ACLY: variants seen among roughly 807,000 people sequenced by gnomAD.
ACLY encodes ATP-citrate synthase.
A neutral mutation model predicts 133.0 loss-of-function variants in ACLY; 41 were observed. The observed-to-expected ratio is 0.31, with a 90% confidence interval of 0.24 to 0.40. ACLY has a LOEUF of 0.40. Ranked by LOEUF, ACLY falls within the 10% of genes least tolerant of loss-of-function variation. The probability of loss-of-function intolerance (pLI) is 1.00; values close to 1 mark genes in which losing one functional copy is unlikely to be tolerated. For synonymous variants in ACLY, 495 were observed against 549.3 expected (o/e 0.90, Z 1.38); for missense variants, 1,046 against 1,453.8 (o/e 0.72, Z 4.56).
chr17:41,887,439 A>G lies in ACLY; in HGVS notation c.1875+160T>C, dbSNP rs112572362. Among the ~76,000 whole-genome samples the G allele has an allele frequency of 3.1e-3, 474 of 152,152 alleles. 5 individuals are homozygous for G. Among genetic ancestry groups the G allele is most frequent in the African/African-American group, 0.01 (436 of 41,538 alleles). ...GGCATTGCAGTGAGGCTGTGTCTCA[A>G]AAAAAAAGCTAAAAATGGACAGACT... On this transcript the variant is annotated intron_variant, in intron 17 of 28. Coordinates refer to ENST00000352035, the MANE Select transcript of ACLY (RefSeq NM_001096.3).
chr17:41,928,136 T>A (rs1555636171), intron 1 of ACLY, among the ~76,000 whole-genome samples: 1 of 152,170 alleles, frequency 6.6e-6, no homozygotes. Context: ...CAACTCTCTC[T>A]CAAAAAATAA....
chr17:41,910,151 C>G, intron 4 of ACLY, 71 bp downstream of exon 4: 1 of 1,465,966 alleles, frequency 6.8e-7, no homozygotes, highest in Non-Finnish European at 9.4e-7. Flanking sequence ...GACTTCTTTC[C>G]TCAGGTTACG....
chr17:41,882,997 A>AGGG, intron 20 of ACLY, 125 bp downstream of exon 20: 1 of 787,964 alleles, frequency 1.3e-6, no homozygotes, highest in Admixed American at 2.6e-5. Flanking sequence ...GTAGTAACCA[A>AGGG]GCAAGTAACA....
At chr17:41,882,723 A>T (rs2048951667) in intron 20 of ACLY, among the ~76,000 whole-genome samples, 1 of 152,110 alleles carries the variant, frequency 6.6e-6, no homozygotes, top group African/African-American at 2.4e-5. Context: ...CACACAAAAC[A>T]TCTCACCAAG....
At chr17:41,919,020 C>G, upstream of ACLY, 1 of 1,285,620 alleles carries the variant, frequency 7.8e-7, no homozygotes, top group Non-Finnish European at 1.0e-6. Flanking sequence ...CCCATCGGCT[C>G]GCGGCGAGAA....
intron 8 of ACLY, among the ~76,000 whole-genome samples, chr17:41,906,213 T>C (rs2049713472): frequency 6.6e-6 from 1 of 152,218 alleles, no homozygotes; most frequent in African/African-American, 2.4e-5. Flanking sequence ...GGTGACCTGG[T>C]CAGGGAGAGG....
intron 22 of ACLY, among the ~76,000 whole-genome samples, chr17:41,874,825 G>A (rs1214390375): frequency 1.3e-5 from 2 of 149,444 alleles, no homozygotes; most frequent in South Asian, 2.1e-4. Context: ...CGCCTGCCTC[G>A]GCCTCCCAAA....
chr17:41,889,289 C>T (rs1156453978), intron 16 of ACLY, among the ~76,000 whole-genome samples: 3 of 151,738 alleles, frequency 2.0e-5, no homozygotes, highest in Non-Finnish European at 2.9e-5. Context: ...GAGGCCGAGG[C>T]GGTTGGATCA....
chr17:41,890,874 C>T (rs2049191399), intron 16 of ACLY, among the ~76,000 whole-genome samples: 1 of 140,354 alleles, frequency 7.1e-6, no homozygotes, highest in South Asian at 2.3e-4. Context: ...GGTGTGGTGG[C>T]ATGTGCTTGT....
chr17:41,893,292 A>T, intron 14 of ACLY, 118 bp from the exon 15 acceptor site: 1 of 1,180,950 alleles, frequency 8.5e-7, no homozygotes, highest in East Asian at 2.7e-5. Flanking sequence ...ATGCCTCATC[A>T]CAACCGTAAA....
At chr17:41,878,015 G>C (rs1567887657) in intron 22 of ACLY, 88 bp downstream of exon 22, 1 of 840,946 alleles carries the variant, frequency 1.2e-6, no homozygotes, top group Non-Finnish European at 1.7e-6. Context: ...TGGTTTCCAA[G>C]AGTTCAAGGC....
At chr17:41,895,665 C>T (rs1277619574) in intron 14 of ACLY, among the ~76,000 whole-genome samples, 2 of 152,240 alleles carry the variant, frequency 1.3e-5, no homozygotes, top group Non-Finnish European at 2.9e-5. Flanking sequence ...TCCTGGAGAA[C>T]CAGGGCTGGT....
At chr17:41,874,052 A>G in intron 22 of ACLY, 87 bp from the exon 23 acceptor site, 1 of 1,314,232 alleles carries the variant, frequency 7.6e-7, no homozygotes, top group Non-Finnish European at 1.0e-6. Context: ...TACTCTCAGA[A>G]CCAAAGCACC....
At chr17:41,890,276 C>T (rs1465300772) in intron 16 of ACLY, among the ~76,000 whole-genome samples, 1 of 151,432 alleles carries the variant, frequency 6.6e-6, no homozygotes, top group Non-Finnish European at 1.5e-5. Flanking sequence ...TTCAACAAAA[C>T]AGTATTTATC....
At chr17:41,880,013 A>G (rs2048875420) in intron 20 of ACLY, among the ~76,000 whole-genome samples, 1 of 152,162 alleles carries the variant, frequency 6.6e-6, no homozygotes. Flanking sequence ...TACAGGCATG[A>G]GCCAGCGCGC....
At chr17:41,875,227 G>A (rs2048702537) in intron 22 of ACLY, among the ~76,000 whole-genome samples, 1 of 151,830 alleles carries the variant, frequency 6.6e-6, no homozygotes, top group African/African-American at 2.4e-5. Context: ...GTATGTGTCT[G>A]TAACCCCAGT....
chr17:41,873,629 T>G (rs1168991400), intron 23 of ACLY, among the ~76,000 whole-genome samples, 182 bp downstream of exon 23: 1 of 152,214 alleles, frequency 6.6e-6, no homozygotes, highest in African/African-American at 2.4e-5. Context: ...GACTGGACTT[T>G]CTGTCCTTGG....
Position 41,913,802 on chromosome 17 carries a change from G to A in ACLY, c.72C>T (p.Ala24=), listed in dbSNP as rs782498311. 6.2e-7 allele frequency: 1 copy of A among 1,614,264 alleles called. No individual in the cohort carries two copies. Among genetic ancestry groups the A allele is most frequent in the East Asian group, 2.2e-5 (1 of 44,886 alleles). ...LLYKFICTTS[A]IQNRFKYARV... ...GAGCATACTTGAACCGATTCTGGAT[G>A]GCTGAGGTGGTACAGATGAACTTGT... is the stretch of plus-strand genomic sequence containing the variant. Residue 24 remains alanine, a synonymous_variant, in exon 2 of 29, where the codon GCC becomes GCT. Transcript: ENST00000352035.
chr17:41,877,576 A>G (rs1441863350), intron 22 of ACLY, among the ~76,000 whole-genome samples: 1 of 151,976 alleles, frequency 6.6e-6, no homozygotes, highest in Non-Finnish European at 1.5e-5. Flanking sequence ...TTGACCTCCA[A>G]AAGTGTCAAC....
Sources: gnomAD v4.1 joint callset for allele counts (sites outside exome capture counted in the v4.1 genomes callset) on GRCh38, gnomAD v4.1.1 for gene constraint, MANE v1.5 for transcripts, NCBI Gene and HGNC (gene_info 2026-07-23, HGNC 2026-07-21) for gene names.